The following CDH13 variants were observed in gnomAD, a reference collection of about 807,000 sequenced individuals.
The protein encoded by CDH13 is cadherin 13, also known as cadherin-13.
A neutral mutation model predicts 63.8 loss-of-function variants in CDH13; 24 were observed. The observed-to-expected ratio is 0.38, with a 90% CI of 0.27 to 0.53. The LOEUF (loss-of-function observed/expected upper bound fraction) is 0.53. Among genes scored for constraint, CDH13 ranks in the 20% least tolerant of loss-of-function variants. The probability of loss-of-function intolerance (pLI) is 0.85; values close to 1 mark genes in which losing one functional copy is unlikely to be tolerated. For synonymous variants in CDH13, 503 were observed against 355.3 expected (o/e 1.42, Z -4.67); for missense variants, 1,049 against 903.1 (o/e 1.16, Z -2.07).
intron 8 of CDH13, among the ~76,000 whole-genome samples, chr16:83,623,871 C>CTAGA (rs1396890146): frequency 6.6e-6 from 1 of 152,222 alleles, no homozygotes; most frequent in Non-Finnish European, 1.5e-5. Flanking sequence ...AAGCCTAAGA[C>CTAGA]TAGAGGCTCA....
chr16:83,628,965 G>A (rs1910553896), intron 8 of CDH13, among the ~76,000 whole-genome samples: 1 of 152,134 alleles, frequency 6.6e-6, no homozygotes, highest in African/African-American at 2.4e-5. Context: ...CAAACATAAG[G>A]AGCATAAGTA....
At chr16:83,737,077 C>T (rs927720375) in intron 10 of CDH13, among the ~76,000 whole-genome samples, 1 of 152,222 alleles carries the variant, frequency 6.6e-6, no homozygotes, top group African/African-American at 2.4e-5. Flanking sequence ...AACAGTGGTT[C>T]TTAGGCGTTT....
At chr16:83,255,952 C>G (rs773750461) in intron 5 of CDH13, among the ~76,000 whole-genome samples, 5 of 152,096 alleles carry the variant, frequency 3.3e-5, no homozygotes. Context: ...TGATTATGGT[C>G]AAATCTAAGA....
intron 6 of CDH13, among the ~76,000 whole-genome samples, chr16:83,473,313 G>C (rs2073511445): frequency 6.6e-6 from 1 of 152,196 alleles, no homozygotes; most frequent in South Asian, 2.1e-4. Context: ...TACTTATCAA[G>C]TTGGAGAACA....
intron 1 of CDH13, among the ~76,000 whole-genome samples, chr16:82,708,334 A>G (rs1442620544): frequency 3.9e-5 from 6 of 152,122 alleles, no homozygotes; most frequent in African/African-American, 7.2e-5. Flanking sequence ...ACAGGGAGTT[A>G]CTATAAAAGT....
At chr16:83,373,820 G>T (rs533148024) in intron 6 of CDH13, among the ~76,000 whole-genome samples, 1 of 152,242 alleles carries the variant, frequency 6.6e-6, no homozygotes, top group East Asian at 1.9e-4. Flanking sequence ...AGGAATGAAG[G>T]AAGAGTCACT....
chr16:83,199,889 C>T (rs770989091), intron 4 of CDH13, among the ~76,000 whole-genome samples: 8 of 152,130 alleles, frequency 5.3e-5, no homozygotes, highest in African/African-American at 7.2e-5. Flanking sequence ...TTAGAGCCAG[C>T]GTACAAACTG....
In CDH13 at chr16:83,344,972, C is replaced by G. The variant is rs2090807123; in HGVS notation, c.747C>G (p.Pro249=). 1.2e-6 allele frequency: 2 copies of G among 1,613,854 alleles called. No individual in the cohort carries two copies. Among genetic ancestry groups the G allele is most frequent in the African/African-American group, 1.3e-5 (1 of 74,942 alleles). ...NDNRPIFREG[P]YIGHVMEGSP... ...ACCGACCGATCTTTCGGGAAGGCCC[C>G]TACATCGGCCACGTCATGGAAGGGT... The change falls in exon 6 of 14, where the codon CCC becomes CCG. Residue 249 remains proline, a synonymous_variant. Transcript: ENST00000567109.
chr16:82,663,438 G>T (rs796686132), intron 1 of CDH13, among the ~76,000 whole-genome samples: 3 of 152,018 alleles, frequency 2.0e-5, no homozygotes, highest in African/African-American at 7.2e-5. Flanking sequence ...ACACGCCTCG[G>T]CCTCCCAAAA....
intron 5 of CDH13, among the ~76,000 whole-genome samples, chr16:83,321,384 T>G (rs966458510): frequency 1.1e-4 from 17 of 152,280 alleles, no homozygotes; most frequent in African/African-American, 4.1e-4. Flanking sequence ...CACCCTTCAT[T>G]GGCATCGGAA....
At chr16:83,055,126 T>G (rs1051003070) in intron 3 of CDH13, among the ~76,000 whole-genome samples, 1 of 151,890 alleles carries the variant, frequency 6.6e-6, no homozygotes, top group African/African-American at 2.4e-5. Context: ...AAGTAGAAAA[T>G]AGTTTGAATG....
chr16:83,190,664 A>G (rs1184904726), intron 4 of CDH13, among the ~76,000 whole-genome samples: 3 of 152,222 alleles, frequency 2.0e-5, no homozygotes, highest in Non-Finnish European at 2.9e-5. Flanking sequence ...AACTAAGACA[A>G]TGGAGAAATA....
chr16:82,628,858 C>G (rs7202931), intron 1 of CDH13, among the ~76,000 whole-genome samples: 2 of 152,136 alleles, frequency 1.3e-5, no homozygotes, highest in South Asian at 4.1e-4. Context: ...GGTACCAACC[C>G]GGGCAAGTTG....
intron 1 of CDH13, chr16:82,639,444 A>C (rs1313375651): frequency 1.2e-5 from 18 of 1,534,924 alleles, no homozygotes; most frequent in African/African-American, 4.1e-5. Flanking sequence ...GGCGTGACCC[A>C]CCTGCAGCTT....
rs116328204 is a variant in CDH13 at position 83,081,220 on chromosome 16, C to G, written c.367-44165C>G. Among the ~76,000 whole-genome samples the G allele has an allele frequency of 4.3e-3, 656 of 152,160 alleles. 5 individuals are homozygous for G. Among genetic ancestry groups the G allele is most frequent in the African/African-American group, 0.015 (618 of 41,500 alleles). ...AACTTTGAAAAGTTAGGATTCAAAT[C>G]AGTCTAGCCATTGAATCGTATTTAT... On this transcript the variant is annotated intron_variant, in intron 3 of 13. Coordinates refer to ENST00000567109, the MANE Select transcript of CDH13 (RefSeq NM_001257.5).
At chr16:82,627,838 C>T (rs1442983201) in intron 1 of CDH13, among the ~76,000 whole-genome samples, 1 of 152,370 alleles carries the variant, frequency 6.6e-6, no homozygotes, top group South Asian at 2.1e-4. Flanking sequence ...CCCCCCGCAC[C>T]CCTATTGTCC....
chr16:83,646,157 G>T (rs1319207423), intron 8 of CDH13, among the ~76,000 whole-genome samples: 2 of 152,082 alleles, frequency 1.3e-5, no homozygotes, highest in Non-Finnish European at 2.9e-5. Flanking sequence ...TCTAGACTCA[G>T]ACCAACCGGG....
intron 1 of CDH13, among the ~76,000 whole-genome samples, chr16:82,654,912 C>T (rs1911129634): frequency 6.6e-6 from 1 of 152,116 alleles, no homozygotes. Context: ...GATGGAGTGA[C>T]TAGATCCATT....
chr16:83,306,431 A>T (rs746953600), intron 5 of CDH13, among the ~76,000 whole-genome samples: 21 of 152,132 alleles, frequency 1.4e-4, no homozygotes, highest in Admixed American at 1.3e-3. Flanking sequence ...TCTTGTGGGG[A>T]TGGATTAACT....
Sources: allele counts gnomAD v4.1 joint callset (sites outside exome capture counted in the v4.1 genomes callset), GRCh38; gene constraint gnomAD v4.1.1; transcripts MANE v1.5; gene names NCBI Gene and HGNC (gene_info 2026-07-23, HGNC 2026-07-21).